The following CUBN variants were observed in gnomAD, a reference collection of about 807,000 sequenced individuals.
The protein encoded by CUBN is 460 kDa receptor.
Under a neutral mutation model 405.3 loss-of-function variants are expected in CUBN, and 282 were observed. The observed-to-expected ratio is 0.70, with a 90% CI of 0.63 to 0.77. The LOEUF (loss-of-function observed/expected upper bound fraction) is 0.77, where lower values mean the gene tolerates loss of function less well. Among genes scored for constraint, CUBN ranks in the 30% least tolerant of loss-of-function variants. The probability of loss-of-function intolerance (pLI) is 0.00; values close to 1 mark genes in which losing one functional copy is unlikely to be tolerated. For synonymous variants in CUBN, 1,684 were observed against 1,617.0 expected (o/e 1.04, Z -0.99); for missense variants, 4,514 against 4,475.2 (o/e 1.01, Z -0.25).
chr10:16,929,429 C>T (rs1047249576), intron 40 of CUBN, among the ~76,000 whole-genome samples: 10 of 152,018 alleles, frequency 6.6e-5, no homozygotes, highest in African/African-American at 2.2e-4. Context: ...TAATAAATCT[C>T]GAGTTTATAA....
At chr10:17,052,141 T>C (rs138004614) in intron 22 of CUBN, among the ~76,000 whole-genome samples, 109 of 152,246 alleles carry the variant, frequency 7.2e-4, no homozygotes, top group African/African-American at 2.5e-3. Context: ...GAAAATGGAA[T>C]ACATCTTTAA....
In CUBN at chr10:16,996,260, C is replaced by T. The variant is rs149732408; in HGVS notation, c.4169-5745G>A. 3.0e-3 allele frequency among the ~76,000 whole-genome samples: 463 copies of T among 152,160 alleles called. 3 individuals are homozygous for T. Among genetic ancestry groups the T allele is most frequent in the African/African-American group, 0.01 (435 of 41,488 alleles). ...CAGCTGAACTGGAATAAAATAATGCCCTGAAGAGAAGCCTATGTTTTTCAG... is the reference window on the plus strand; with the variant it reads ...CAGCTGAACTGGAATAAAATAATGCTCTGAAGAGAAGCCTATGTTTTTCAG... On this transcript the variant is annotated intron_variant, in intron 28 of 66. Coordinates refer to ENST00000377833, the MANE Select transcript of CUBN (RefSeq NM_001081.4).
intron 22 of CUBN, among the ~76,000 whole-genome samples, chr10:17,055,580 A>T (rs997511101): frequency 6.6e-6 from 1 of 152,170 alleles, no homozygotes; most frequent in Non-Finnish European, 1.5e-5. Flanking sequence ...GCAGAATACA[A>T]GATATGTATA....
intron 10 of CUBN, 54 bp downstream of exon 10, chr10:17,109,586 G>T: frequency 7.2e-7 from 1 of 1,387,384 alleles, no homozygotes; most frequent in Non-Finnish European, 1.0e-6. Flanking sequence ...TGTTGAATTG[G>T]TTTAGAAGGT....
At chr10:17,004,094 T>C (rs972112604) in intron 28 of CUBN, among the ~76,000 whole-genome samples, 3 of 152,222 alleles carry the variant, frequency 2.0e-5, no homozygotes, top group African/African-American at 7.2e-5. Flanking sequence ...CCAGGCACCA[T>C]CTGTCATTTC....
At chr10:16,909,525 TG>T (rs1841661303) in intron 48 of CUBN, among the ~76,000 whole-genome samples, 1 of 152,154 alleles carries the variant, frequency 6.6e-6, no homozygotes, top group Admixed American at 6.5e-5. Flanking sequence ...TCTATAATGC[TG>T]AAAACAGGAA....
At chr10:16,886,654 G>A (rs1191566038) in intron 56 of CUBN, among the ~76,000 whole-genome samples, 1 of 152,158 alleles carries the variant, frequency 6.6e-6, no homozygotes, top group Non-Finnish European at 1.5e-5. Context: ...CCTAGAGTGG[G>A]AGAATGAACA....
chr10:16,946,077 A>G (rs111633002), intron 36 of CUBN, among the ~76,000 whole-genome samples: 3 of 152,336 alleles, frequency 2.0e-5, no homozygotes, highest in African/African-American at 4.8e-5. Context: ...TCTCTCAACC[A>G]TAAGTTACTT....
chr10:16,956,716 T>C (rs537794965), intron 31 of CUBN, among the ~76,000 whole-genome samples: 27 of 152,298 alleles, frequency 1.8e-4, no homozygotes, highest in African/African-American at 6.5e-4. Flanking sequence ...AGAACATCTG[T>C]GGTTACAGAG....
chr10:17,082,172 T>C (rs1401364403), intron 17 of CUBN, among the ~76,000 whole-genome samples: 1 of 152,234 alleles, frequency 6.6e-6, no homozygotes, highest in African/African-American at 2.4e-5. Flanking sequence ...AGCTTCTTTT[T>C]ATCATTTATT....
intron 22 of CUBN, among the ~76,000 whole-genome samples, chr10:17,049,215 G>C (rs1039944453): frequency 1.3e-5 from 2 of 152,150 alleles, no homozygotes; most frequent in African/African-American, 4.8e-5. Flanking sequence ...TAATATTTCA[G>C]ACCCAGTAAT....
Position 16,900,844 on chromosome 10 carries a change from A to T in CUBN, c.8191T>A (p.Phe2731Ile), listed in dbSNP as rs764431700. The change falls in exon 53 of 67, where the codon TTT (phenylalanine) becomes ATT (isoleucine). Residue 2731 changes from phenylalanine (F) to isoleucine (I), a missense_variant. Physicochemically the swap from Phe to Ile is conservative, Grantham distance 21. This residue lies in a region of CUBN where 1,186 missense variants were observed against 1,186.9 expected (regional missense o/e 1.00). Coordinates refer to ENST00000377833, the MANE Select transcript of CUBN (RefSeq NM_001081.4). ...TGGGGTTCAATATCAAAGTCACTAA[A>T]TGTGAGCTGCAGGAGAAAAAAGAAA... ...APQGHTITLT[F>I]SDFDIEPHTT... 6.2e-7 allele frequency: 1 copy of T among 1,611,260 alleles called. No individual in the cohort carries two copies. The highest frequency in any genetic ancestry group is 1.3e-5 in the African/African-American group (1 of 74,874).
intron 6 of CUBN, among the ~76,000 whole-genome samples, chr10:17,117,343 C>T (rs1836927779): frequency 6.6e-6 from 1 of 152,106 alleles, no homozygotes; most frequent in South Asian, 2.1e-4. Context: ...TGTCCCAACA[C>T]CTCCCAACAA....
chr10:17,124,969 C>T (rs1232347897), intron 4 of CUBN, among the ~76,000 whole-genome samples: 5 of 152,020 alleles, frequency 3.3e-5, no homozygotes, highest in African/African-American at 1.2e-4. Flanking sequence ...GTAGCTGGGA[C>T]TACAGGAATG....
At chr10:16,852,103 C>G (rs1433153942) in intron 59 of CUBN, among the ~76,000 whole-genome samples, 3 of 108,430 alleles carry the variant, frequency 2.8e-5, no homozygotes, top group African/African-American at 7.1e-5. Flanking sequence ...CTCTATCTTT[C>G]CCTCCCTCCC....
intron 60 of CUBN, among the ~76,000 whole-genome samples, chr10:16,843,963 A>G (rs1839434675): frequency 1.3e-5 from 2 of 152,274 alleles, no homozygotes; most frequent in Middle Eastern, 3.4e-3. Flanking sequence ...TTGGCCCTTA[A>G]ATGTAAGTAG....
At position 16,982,767 on chromosome 10, in the gene CUBN, C is replaced by T; in HGVS notation, c.4526-114G>A. 4.3e-6 allele frequency: 4 copies of T among 933,804 alleles called. No homozygotes were observed. The Admixed American group carries it at 6.0e-5, about 14-fold the overall frequency. 57.8% of individuals were successfully genotyped at this position (933,804 alleles called of 1,614,324 possible). ...CTTTGCTTGAATCAGTTAGTCGATGCTAAAAACACTGAAGAATTTGATATC... is the reference window on the plus strand; with the variant it reads ...CTTTGCTTGAATCAGTTAGTCGATGTTAAAAACACTGAAGAATTTGATATC... On this transcript the variant is annotated intron_variant, in intron 30 of 66. Transcript: ENST00000377833.
In CUBN at chr10:16,919,996, A is replaced by C. The variant is rs2271460; in HGVS notation, c.6788T>G (p.Phe2263Cys). ...TACTTCAATATCGAATCGATCTTCAAATTGCAGCTGTATGCGTGTTTCCGG... is the reference window on the plus strand; with the variant it reads ...TACTTCAATATCGAATCGATCTTCACATTGCAGCTGTATGCGTGTTTCCGG... ...APPETRIQLQ[F>C]EDRFDIEVTP... Residue 2263 changes from phenylalanine to cysteine, a missense_variant, in exon 44 of 67, where the codon TTT becomes TGT. Phe to Cys is a radical substitution (Grantham distance 205). Transcript: ENST00000377833. 0.011 allele frequency: 17,403 copies of C among 1,613,874 alleles called. 473 individuals are homozygous for C. The highest frequency in any genetic ancestry group is 0.077 in the South Asian group (7,000 of 91,066).
chr10:16,906,289 C>T lies in CUBN; in HGVS notation c.7826G>A (p.Gly2609Glu), dbSNP rs2131435280. The T allele has an allele frequency of 6.2e-7, 1 of 1,613,964 alleles. No individual in the cohort carries two copies. Among genetic ancestry groups the T allele is most frequent in the Non-Finnish European group, 8.5e-7 (1 of 1,179,852 alleles). ...AAAGTGAATGGAAATGGATGAATTT[C>T]CCTGATTTGGATTGCTGAGAGTCCA... ...CEWTLSNPNQ[G>E]NSSISIHFED... Residue 2609 changes from glycine (G) to glutamate (E), a missense_variant, in exon 50 of 67, where the codon GGA (glycine) becomes GAA (glutamate). Gly to Glu is a moderately conservative substitution (Grantham distance 98). Around this residue, in one of 5 missense-constraint regions of CUBN, gnomAD observed 1,613 missense variants for 1,542.8 expected, o/e 1.05. Coordinates refer to ENST00000377833, the MANE Select transcript of CUBN (RefSeq NM_001081.4).
Sources: allele counts gnomAD v4.1 joint callset (sites outside exome capture counted in the v4.1 genomes callset), GRCh38; gene constraint gnomAD v4.1.1; regional missense constraint gnomAD v4.1.1; transcripts MANE v1.5; gene names NCBI Gene and HGNC (gene_info 2026-07-23, HGNC 2026-07-21).